The following ANKRD27 variants were observed in gnomAD, a reference collection of about 807,000 sequenced individuals.
The protein encoded by ANKRD27 is ankyrin repeat domain-containing protein 27.
In ANKRD27, 112 loss-of-function variants were observed where a neutral mutation model predicts 129.7. The observed-to-expected ratio is 0.86, with a 90% CI of 0.74 to 1.01. ANKRD27 has a LOEUF of 1.01. Ranked by LOEUF, ANKRD27 falls within the 50% of genes least tolerant of loss-of-function variation. ANKRD27 has a pLI of 0.00. For synonymous variants in ANKRD27, 516 were observed against 511.2 expected (o/e 1.01, Z -0.13); for missense variants, 1,258 against 1,300.5 (o/e 0.97, Z 0.50).
chr19:32,622,322 C>T, intron 18 of ANKRD27, 100 bp downstream of exon 18: 1 of 1,291,274 alleles, frequency 7.7e-7, no homozygotes, highest in South Asian at 1.3e-5. Context: ...GTTCTGCCCT[C>T]AGGCAATAAT....
At chr19:32,606,151 CTTT>C (rs11325326) in intron 23 of ANKRD27, among the ~76,000 whole-genome samples, 197 bp from the exon 24 acceptor site, 5 of 125,520 alleles carry the variant, frequency 4.0e-5, no homozygotes, top group Admixed American at 8.0e-5. Context: ...GTTTTTCTTT[CTTT>C]TTTTTTTTTT....
chr19:32,656,059 A>AAAAGAAAGAAAG (rs752509674), intron 2 of ANKRD27, among the ~76,000 whole-genome samples: 2,109 of 65,186 alleles, frequency 0.032, 47 homozygotes, highest in Non-Finnish European at 0.045. Flanking sequence ...GAAAAGAAAG[A>AAAAGAAAGAAAG]AAAGAAAGAA....
intron 28 of ANKRD27, 97 bp downstream of exon 28, chr19:32,599,607 T>TG (rs1263741478): frequency 1.8e-6 from 2 of 1,095,660 alleles, no homozygotes; most frequent in East Asian, 2.4e-5. Context: ...CACGGAATAA[T>TG]GAAGATGACG....
intron 12 of ANKRD27, among the ~76,000 whole-genome samples, chr19:32,634,052 G>T (rs753578759): frequency 6.6e-6 from 1 of 151,968 alleles, no homozygotes; most frequent in Non-Finnish European, 1.5e-5. Flanking sequence ...AAAGCTTATG[G>T]TCATCTCAAG....
At chr19:32,656,602 C>T (rs1297944740) in intron 2 of ANKRD27, among the ~76,000 whole-genome samples, 1 of 119,122 alleles carries the variant, frequency 8.4e-6, no homozygotes, top group Admixed American at 8.5e-5. Context: ...ACCTGGGCAA[C>T]ATAGTGAGAC....
At chr19:32,650,999 C>T (rs1362692533) in intron 2 of ANKRD27, among the ~76,000 whole-genome samples, 1 of 152,046 alleles carries the variant, frequency 6.6e-6, no homozygotes, top group East Asian at 1.9e-4. Flanking sequence ...TCCACCTTGG[C>T]CTCCCAAAGT....
rs916936855 is a variant in ANKRD27 at position 32,597,992 on chromosome 19, T to C, written c.*153A>G. On this transcript the variant is annotated 3_prime_UTR_variant, in exon 29 of 29. Coordinates refer to ENST00000306065, the MANE Select transcript of ANKRD27 (RefSeq NM_032139.3). ...TGGTTAACTTTTTTGTTGCATTCTT[T>C]CCTGCCACAGAAAAGCTTTCAGGAA... The C allele has an allele frequency of 1.5e-6, 1 of 662,110 alleles. No individual in the cohort carries two copies. Among genetic ancestry groups the C allele is most frequent in the Non-Finnish European group, 2.6e-6 (1 of 385,602 alleles). 41.0% of individuals were successfully genotyped at this position (662,110 alleles called of 1,614,324 possible).
chr19:32,642,220 C>T, intron 9 of ANKRD27, 75 bp from the exon 10 acceptor site: 2 of 1,287,476 alleles, frequency 1.6e-6, no homozygotes, highest in Non-Finnish European at 2.0e-6. Flanking sequence ...AAGAACACAT[C>T]TCAGGATCTA....
chr19:32,643,713 A>G (rs1967247354), intron 5 of ANKRD27, 82 bp from the exon 6 acceptor site: 2 of 1,415,804 alleles, frequency 1.4e-6, no homozygotes, highest in Non-Finnish European at 2.0e-6. Flanking sequence ...AGGCGCACAG[A>G]GCTTCAAGTG....
Position 32,625,730 on chromosome 19 carries a change from C to T in ANKRD27, c.1629+144G>A, listed in dbSNP as rs550283924. Reference sequence around the variant, plus strand: ...TACAGGCGTGAGCCACCGTGCCTGGCCTAACATTCTTTCATATTAAAAAAA... The same window carrying T: ...TACAGGCGTGAGCCACCGTGCCTGGTCTAACATTCTTTCATATTAAAAAAA... On this transcript the variant is annotated intron_variant, in intron 17 of 28. Coordinates refer to ENST00000306065, the MANE Select transcript of ANKRD27 (RefSeq NM_032139.3). The T allele has an allele frequency of 1.1e-5, 7 of 648,186 alleles. No individual in the cohort carries two copies. The South Asian group carries it at 1.2e-4, about 11-fold the overall frequency. 40.2% of individuals were successfully genotyped at this position (648,186 alleles called of 1,614,324 possible).
chr19:32,642,360 G>C (rs1967218030), intron 9 of ANKRD27, among the ~76,000 whole-genome samples: 1 of 145,810 alleles, frequency 6.9e-6, no homozygotes, highest in Admixed American at 6.8e-5. Flanking sequence ...AGTTGTACAA[G>C]AAAAGCTGAA....
In ANKRD27 at chr19:32,600,507, C is replaced by G. The variant is rs57402449; in HGVS notation, c.2768-457G>C. ...AGTGAGCCGAGATTGCACCACCACA[C>G]TCCAGCCTGGGCGACAGAGCAAGAC... On this transcript the variant is annotated intron_variant, in intron 26 of 28. Coordinates refer to ENST00000306065, the MANE Select transcript of ANKRD27 (RefSeq NM_032139.3). Among the ~76,000 whole-genome samples, 827 of 152,246 alleles carry G rather than the reference C, an allele frequency of 5.4e-3. 23 individuals are homozygous for G. The East Asian group carries it at 0.08, about 15-fold the overall frequency.
In ANKRD27 at chr19:32,615,742, C is replaced by T; in HGVS notation, c.2091G>A (p.Glu697=). The change falls in exon 22 of 29, where the codon GAG becomes GAA. Residue 697 remains glutamate (E), a synonymous_variant. Transcript: ENST00000306065. The part of the protein sequence containing the change: ...YLLEWTEEDL[E]DAEDTVSAAD... ...CTGCACTGACAGTGTCCTCCGCATCCTCCAGGTCCTCCTCTGTCCATTCCA... is the reference window on the plus strand; with the variant it reads ...CTGCACTGACAGTGTCCTCCGCATCTTCCAGGTCCTCCTCTGTCCATTCCA... The T allele has an allele frequency of 6.2e-7, 1 of 1,614,166 alleles. No individual in the cohort carries two copies.
chr19:32,611,343 T>C (rs78790921), intron 22 of ANKRD27, among the ~76,000 whole-genome samples: 1,990 of 152,254 alleles, frequency 0.013, 46 homozygotes, highest in African/African-American at 0.046. Context: ...TGTGTTTTCA[T>C]AGCCACCCAC....
chr19:32,599,807 T>C (rs1971623662), intron 27 of ANKRD27, 31 bp from the exon 28 acceptor site: 2 of 1,608,312 alleles, frequency 1.2e-6, no homozygotes, highest in Non-Finnish European at 1.7e-6. Context: ...AAATAAATAT[T>C]TGGGACAGTG....
chr19:32,646,892 C>T (rs1235290405), intron 3 of ANKRD27, among the ~76,000 whole-genome samples: 4 of 152,192 alleles, frequency 2.6e-5, no homozygotes, highest in Non-Finnish European at 5.9e-5. Flanking sequence ...GTGGTGCGAC[C>T]TCGGCTCACT....
chr19:32,603,565 T>C (rs1435779694), intron 25 of ANKRD27, among the ~76,000 whole-genome samples: 2 of 152,140 alleles, frequency 1.3e-5, no homozygotes, highest in Non-Finnish European at 2.9e-5. Flanking sequence ...TTTTTTGAGA[T>C]AAAGTCTCTG....
intron 25 of ANKRD27, among the ~76,000 whole-genome samples, chr19:32,602,349 G>A (rs1193665031): frequency 1.3e-5 from 2 of 151,828 alleles, no homozygotes; most frequent in Non-Finnish European, 2.9e-5. Flanking sequence ...CCCTCTCTGT[G>A]GACTCCACGC....
At chr19:32,598,589 TTATGACTC>T (rs1971605728) in intron 28 of ANKRD27, among the ~76,000 whole-genome samples, 1 of 152,112 alleles carries the variant, frequency 6.6e-6, no homozygotes, top group Non-Finnish European at 1.5e-5. Flanking sequence ...TTCACAATCT[TTATGACTC>T]TAGGAGGCAT....
Sources: gnomAD v4.1 joint callset for allele counts (sites outside exome capture counted in the v4.1 genomes callset) on GRCh38, gnomAD v4.1.1 for gene constraint, MANE v1.5 for transcripts, NCBI Gene and HGNC (gene_info 2026-07-23, HGNC 2026-07-21) for gene names.